NTRK3: variants seen among roughly 807,000 people sequenced by gnomAD.
NTRK3 encodes neurotrophic receptor tyrosine kinase 3, also known as NT-3 growth factor receptor.
A neutral mutation model predicts 91.7 loss-of-function variants in NTRK3; 24 were observed. That is an observed-to-expected ratio of 0.26 (90% CI 0.19 to 0.37). The LOEUF (loss-of-function observed/expected upper bound fraction) is 0.37. Ranked by LOEUF, NTRK3 falls within the 10% of genes least tolerant of loss-of-function variation. NTRK3 has a pLI of 1.00. For missense variants in NTRK3, 880 were observed against 1,068.9 expected (o/e 0.82, Z 2.46); for synonymous variants, 483 against 404.0 (o/e 1.20, Z -2.34).
At position 87,975,596 on chromosome 15, in the gene NTRK3, G is replaced by A. The variant is rs146568073; in HGVS notation, c.1586-34843C>T. Among the ~76,000 whole-genome samples, 313 of 152,242 alleles carry A rather than the reference G, an allele frequency of 2.1e-3. 2 individuals carry two copies. Among genetic ancestry groups the A allele is most frequent in the Middle Eastern group, 6.8e-3 (2 of 294 alleles). ...CTTTCTGGGCTGAGTTCAGCTCTCCGCATCTGCCCTATACCAGCTCTGACT... is the reference window on the plus strand; with the variant it reads ...CTTTCTGGGCTGAGTTCAGCTCTCCACATCTGCCCTATACCAGCTCTGACT... On this transcript the variant is annotated intron_variant, in intron 14 of 18. Coordinates refer to ENST00000394480, the Ensembl canonical transcript of NTRK3.
rs2051416351 is a variant in NTRK3 at position 88,233,728 on chromosome 15, T to C, written c.248+22178A>G. Among the ~76,000 whole-genome samples the C allele has an allele frequency of 6.6e-6, 1 of 151,680 alleles. No homozygotes were observed. Among genetic ancestry groups the C allele is most frequent in the Admixed American group, 6.6e-5 (1 of 15,248 alleles). ...TCCCTCTCCTCCTGGTCCTCCTTACTCTCCCTTCCTTCCCTGCCCCCTTCC... is the reference window on the plus strand; with the variant it reads ...TCCCTCTCCTCCTGGTCCTCCTTACCCTCCCTTCCTTCCCTGCCCCCTTCC... On this transcript the variant is annotated intron_variant, in intron 3 of 18. Transcript: ENST00000394480. The surrounding 1 kb of genome is among the most constrained non-coding windows in gnomAD (Gnocchi z 4.2).
At chr15:88,151,877 A>G (rs1035374265) in intron 5 of NTRK3, among the ~76,000 whole-genome samples, 1 of 152,126 alleles carries the variant, frequency 6.6e-6, no homozygotes, top group African/African-American at 2.4e-5. Context: ...ATTAAACCAG[A>G]CTGCCTCACC....
intron 3 of NTRK3, among the ~76,000 whole-genome samples, chr15:88,200,130 C>T (rs1482236231): frequency 6.6e-6 from 1 of 152,206 alleles, no homozygotes; most frequent in East Asian, 1.9e-4. Context: ...CCTCTGGTTA[C>T]AGAGCTCACT....
chr15:87,927,864 A>G (rs2068456713), intron 17 of NTRK3: 1 of 152,246 alleles, frequency 6.6e-6, no homozygotes, highest in African/African-American at 2.4e-5. Context: ...TTGTTATAAC[A>G]GCTGAAAAGG....
At position 87,957,051 on chromosome 15, in the gene NTRK3, C is replaced by T. The variant is rs77652126; in HGVS notation, c.1586-16298G>A. ...CTTAGCTCCAGCCAACCCCACTCAA[C>T]GTGACCCATGGAGCCAGACTGTCTG... On this transcript the variant is annotated intron_variant, in intron 14 of 18. Transcript: ENST00000394480. Among the ~76,000 whole-genome samples the T allele has an allele frequency of 1.8e-4, 27 of 152,284 alleles. No individual in the cohort carries two copies. In the East Asian group the frequency reaches 4.4e-3, roughly 25 times the overall value.
intron 14 of NTRK3, among the ~76,000 whole-genome samples, chr15:88,028,002 T>TA (rs1415893773): frequency 2.6e-5 from 4 of 151,966 alleles, no homozygotes; most frequent in Admixed American, 6.5e-5. Context: ...AAAGAGGTGT[T>TA]AAAAGACGAA....
At chr15:87,871,194 G>A (rs1375164093) in exon 19 of NTRK3, 1 of 231,188 alleles carries the variant, frequency 4.3e-6, no homozygotes, top group Non-Finnish European at 8.6e-6. Context: ...CTAGTACACT[G>A]ACACTTGAAC....
At chr15:88,219,261 C>T (rs2050047272) in intron 3 of NTRK3, among the ~76,000 whole-genome samples, 1 of 152,226 alleles carries the variant, frequency 6.6e-6, no homozygotes, top group Admixed American at 6.5e-5. Flanking sequence ...TTTTGACCTG[C>T]AGCAAATTAA....
chr15:87,949,254 C>G (rs913862294), intron 14 of NTRK3, among the ~76,000 whole-genome samples: 4 of 151,956 alleles, frequency 2.6e-5, no homozygotes, highest in African/African-American at 9.7e-5. Flanking sequence ...GTCCTGGCTC[C>G]GAGAATGGCC....
chr15:88,230,783 A>G (rs2051114771), intron 3 of NTRK3, among the ~76,000 whole-genome samples: 1 of 151,642 alleles, frequency 6.6e-6, no homozygotes, highest in East Asian at 1.9e-4. Context: ...TTTTAAGCCA[A>G]TATTAACAAA....
At chr15:88,160,361 G>A (rs2044332692) in intron 5 of NTRK3, among the ~76,000 whole-genome samples, 1 of 152,204 alleles carries the variant, frequency 6.6e-6, no homozygotes, top group African/African-American at 2.4e-5. Context: ...TGAGGCTACA[G>A]GATGAGCTAA....
At position 88,234,512 on chromosome 15, in the gene NTRK3, C is replaced by T. The variant is rs540917425; in HGVS notation, c.248+21394G>A. ...ACCATTGCTTCAGGGGCCCTCCTCA[C>T]GCTGCTCCCTCCTCTAGACTAGCTC... On this transcript the variant is annotated intron_variant, in intron 3 of 18. Coordinates refer to ENST00000394480, the Ensembl canonical transcript of NTRK3. This position sits in a 1 kb window ranked among gnomAD's most constrained non-coding sequence, Gnocchi z 6.1. Among the ~76,000 whole-genome samples, 2 of 152,292 alleles carry T rather than the reference C, an allele frequency of 1.3e-5. No homozygotes were observed. The highest frequency in any genetic ancestry group is 3.9e-4 in the East Asian group (2 of 5,166).
At chr15:88,033,101 A>C in intron 13 of NTRK3, 56 bp from the exon 14 acceptor site, 1 of 1,524,328 alleles carries the variant, frequency 6.6e-7, no homozygotes, top group Non-Finnish European at 8.8e-7. Flanking sequence ...GCCAGTTTCC[A>C]GCCCTGTCCA....
exon 3 of NTRK3, chr15:88,256,085 C>T (rs2142089598): frequency 6.2e-7 from 1 of 1,612,806 alleles, no homozygotes; most frequent in African/African-American, 1.3e-5. Context: ...CCACATAGTC[C>T]AGCCAGACGC....
intron 14 of NTRK3, among the ~76,000 whole-genome samples, chr15:88,031,897 G>A (rs1472174709): frequency 2.6e-5 from 4 of 152,154 alleles, no homozygotes; most frequent in Non-Finnish European, 4.4e-5. Flanking sequence ...GCAACCCACT[G>A]AGACATGAAA....
chr15:88,015,913 A>T (rs948346601), intron 14 of NTRK3, among the ~76,000 whole-genome samples: 10 of 151,820 alleles, frequency 6.6e-5, no homozygotes, highest in African/African-American at 2.4e-4. Flanking sequence ...CTGGCCACGT[A>T]TTATGTAGCC....
At chr15:87,938,602 G>T (rs568923700) in intron 15 of NTRK3, among the ~76,000 whole-genome samples, 2 of 152,268 alleles carry the variant, frequency 1.3e-5, no homozygotes, top group African/African-American at 4.8e-5. Flanking sequence ...ACTCGGTCTG[G>T]GTACTGCCCC....
intron 13 of NTRK3, among the ~76,000 whole-genome samples, chr15:88,116,994 A>G (rs1446994918): frequency 4.6e-5 from 7 of 152,200 alleles, no homozygotes; most frequent in African/African-American, 1.7e-4. Context: ...AGAGCCAGTG[A>G]AATATGCGGA....
At chr15:88,230,063 G>C (rs1567685444) in intron 3 of NTRK3, among the ~76,000 whole-genome samples, 1 of 152,222 alleles carries the variant, frequency 6.6e-6, no homozygotes. Context: ...AATCTAGTTA[G>C]TGTTGCTAGC....
Sources: allele counts gnomAD v4.1 joint callset (sites outside exome capture counted in the v4.1 genomes callset), GRCh38; gene constraint gnomAD v4.1.1; non-coding constraint Gnocchi (gnomAD v3.1); transcripts MANE v1.5; gene names NCBI Gene and HGNC (gene_info 2026-07-23, HGNC 2026-07-21).